Variants in DPP6 observed in about 807,000 individuals in gnomAD.
DPP6 encodes the protein dipeptidyl peptidase like 6, also known as A-type potassium channel modulatory protein DPP6.
Under a neutral mutation model 122.6 loss-of-function variants are expected in DPP6, and 69 were observed. That is an observed-to-expected ratio of 0.56 (90% CI 0.46 to 0.69). The LOEUF (loss-of-function observed/expected upper bound fraction) is 0.69, where lower values mean the gene tolerates loss of function less well. Among genes scored for constraint, DPP6 ranks in the 30% least tolerant of loss-of-function variants. The probability of loss-of-function intolerance (pLI) is 0.00; values close to 1 mark genes in which losing one functional copy is unlikely to be tolerated. For missense variants in DPP6, 928 were observed against 1,116.9 expected (o/e 0.83, Z 2.41); for synonymous variants, 418 against 433.1 (o/e 0.97, Z 0.43).
upstream of DPP6, among the ~76,000 whole-genome samples, chr7:153,882,947 T>C (rs534223014): frequency 1.2e-4 from 19 of 152,304 alleles, no homozygotes; most frequent in African/African-American, 4.6e-4. Flanking sequence ...TGACCAAACC[T>C]AACAGAAACA....
At chr7:153,809,286 C>T in the DPP6 span, among the ~76,000 whole-genome samples, 1 of 151,968 alleles carries the variant, frequency 6.6e-6, no homozygotes, top group African/African-American at 2.4e-5. Context: ...TCCTTCTTCT[C>T]TTTGGATATT....
chr7:153,980,940 A>C (rs531108213), intron 1 of DPP6, among the ~76,000 whole-genome samples: 126 of 152,192 alleles, frequency 8.3e-4, no homozygotes, highest in African/African-American at 3.0e-3. Context: ...GTTCTTTTGC[A>C]TTTGCTGAGG....
At chr7:154,055,608 G>C (rs924643987) in intron 1 of DPP6, 2 of 152,024 alleles carry the variant, frequency 1.3e-5, no homozygotes, top group Non-Finnish European at 2.9e-5. Context: ...ATTTTATTAC[G>C]TGTCTTGCAA....
At position 154,769,130 on chromosome 7, in the gene DPP6, T is replaced by C. The variant is rs374262030; in HGVS notation, c.884-287T>C. 1.2e-4 allele frequency among the ~76,000 whole-genome samples: 18 copies of C among 152,310 alleles called. No homozygotes were observed. In the East Asian group the frequency reaches 2.9e-3, roughly 24 times the overall value. On this transcript the variant is annotated intron_variant, in intron 8 of 25. Coordinates refer to ENST00000377770, the MANE Select transcript of DPP6 (RefSeq NM_130797.4). ...GTGTTGGGCTCATAGTGCTCAAATG[T>C]GTGCAAAGAAAAAAAAAGTGTTTCC...
intron 1 of DPP6, among the ~76,000 whole-genome samples, chr7:154,168,683 C>G (rs1449907097): frequency 6.6e-6 from 1 of 152,128 alleles, no homozygotes; most frequent in Non-Finnish European, 1.5e-5. Flanking sequence ...TTCAACTTGA[C>G]CCCTGTTCCA....
chr7:154,773,548 A>G (rs1796384971), intron 10 of DPP6, among the ~76,000 whole-genome samples: 2 of 152,182 alleles, frequency 1.3e-5, no homozygotes, highest in Non-Finnish European at 2.9e-5. Flanking sequence ...GGGAATGATT[A>G]TACTTCCAGA....
chr7:154,318,795 C>T (rs1807659589), intron 1 of DPP6, among the ~76,000 whole-genome samples: 1 of 152,026 alleles, frequency 6.6e-6, no homozygotes, highest in Non-Finnish European at 1.5e-5. Context: ...CACACTATAC[C>T]CCACCCCCCC....
chr7:154,852,500 G>GCCTCTCCTCCCTCTCCTC (rs1554486772), intron 16 of DPP6, among the ~76,000 whole-genome samples: 2,272 of 143,982 alleles, frequency 0.016, 72 homozygotes, highest in African/African-American at 0.054. Context: ...TGCCTCTCCT[G>GCCTCTCCTCCCTCTCCTC]CCTCTCCTCC....
At chr7:153,900,236 CTGTTT>C (rs1799586804) in intron 1 of DPP6, among the ~76,000 whole-genome samples, 1 of 69,926 alleles carries the variant, frequency 1.4e-5, no homozygotes, top group South Asian at 6.3e-4. Context: ...TCCCATCTTT[CTGTTT>C]TTTTTTTTTT....
At chr7:154,111,236 A>G (rs1443338128) in intron 1 of DPP6, among the ~76,000 whole-genome samples, 1 of 152,196 alleles carries the variant, frequency 6.6e-6, no homozygotes. Flanking sequence ...CTCTCCCATC[A>G]AACTGCCAGG....
intron 1 of DPP6, among the ~76,000 whole-genome samples, chr7:154,415,047 A>C (rs754530000): frequency 1.4e-4 from 22 of 152,276 alleles, no homozygotes; most frequent in Non-Finnish European, 2.6e-4. Context: ...CCATACCAAC[A>C]AAGCTCACCC....
intron 2 of DPP6, among the ~76,000 whole-genome samples, chr7:154,470,010 T>G (rs914067291): frequency 4.6e-5 from 7 of 152,228 alleles, no homozygotes; most frequent in Admixed American, 2.6e-4. Flanking sequence ...TTCTTTGATT[T>G]CCACCTGTTT....
chr7:154,404,543 C>T (rs1420703162), intron 1 of DPP6, among the ~76,000 whole-genome samples: 3 of 152,126 alleles, frequency 2.0e-5, no homozygotes, highest in Non-Finnish European at 4.4e-5. Flanking sequence ...AATGCATAAA[C>T]AGCCAAGGAC....
intron 6 of DPP6, among the ~76,000 whole-genome samples, chr7:154,638,102 A>C (rs1315264233): frequency 1.3e-5 from 2 of 152,228 alleles, no homozygotes; most frequent in African/African-American, 4.8e-5. Context: ...CCCTTCCTAG[A>C]GCAACTCTGC....
chr7:154,066,168 T>C (rs569154882), intron 1 of DPP6, among the ~76,000 whole-genome samples: 4 of 151,656 alleles, frequency 2.6e-5, no homozygotes, highest in Admixed American at 2.6e-4. Flanking sequence ...CAAGTGATTC[T>C]CCTGCCTCAG....
At chr7:153,959,037 A>G (rs1795212686) in intron 1 of DPP6, among the ~76,000 whole-genome samples, 1 of 152,058 alleles carries the variant, frequency 6.6e-6, no homozygotes, top group Non-Finnish European at 1.5e-5. Context: ...TTCTAATGAG[A>G]GGCATTTGGT....
chr7:154,060,375 G>A (rs1441389053), intron 1 of DPP6, among the ~76,000 whole-genome samples: 9 of 33,466 alleles, frequency 2.7e-4, no homozygotes, highest in East Asian at 8.8e-4. Context: ...CCAGCCCCTG[G>A]TTCCCCCACT....
At chr7:154,018,075 C>T (rs1447568071) in intron 1 of DPP6, among the ~76,000 whole-genome samples, 1 of 152,078 alleles carries the variant, frequency 6.6e-6, no homozygotes, top group African/African-American at 2.4e-5. Context: ...ACCAGCTGGG[C>T]ACTCAGGGTT....
chr7:154,080,764 T>A (rs1585331986), intron 1 of DPP6, among the ~76,000 whole-genome samples: 1 of 151,636 alleles, frequency 6.6e-6, no homozygotes, highest in Non-Finnish European at 1.5e-5. Flanking sequence ...AAACATGCAG[T>A]GGAAATATCC....
Sources: allele counts gnomAD v4.1 joint callset (sites outside exome capture counted in the v4.1 genomes callset), GRCh38; gene constraint gnomAD v4.1.1; transcripts MANE v1.5; gene names NCBI Gene and HGNC (gene_info 2026-07-23, HGNC 2026-07-21).